Variants in GRK7 observed in about 807,000 individuals in gnomAD.
The protein encoded by GRK7 is rhodopsin kinase GRK7.
Under a neutral mutation model 34.1 loss-of-function variants are expected in GRK7, and 24 were observed. That is an observed-to-expected ratio of 0.70 (90% CI 0.51 to 0.99). The LOEUF (loss-of-function observed/expected upper bound fraction) is 0.99, where lower values mean the gene tolerates loss of function less well. Among genes scored for constraint, GRK7 ranks in the 50% least tolerant of loss-of-function variants. The probability of loss-of-function intolerance (pLI) is 0.00; values close to 1 mark genes in which losing one functional copy is unlikely to be tolerated. For synonymous variants in GRK7, 256 were observed against 279.4 expected (o/e 0.92, Z 0.84); for missense variants, 644 against 707.3 (o/e 0.91, Z 1.02).
chr3:141,756,377 A>G, the GRK7 span, among the ~76,000 whole-genome samples: 1 of 151,868 alleles, frequency 6.6e-6, no homozygotes, highest in Non-Finnish European at 1.5e-5. Context: ...CTGAATCTTT[A>G]TAATCTTTAG....
intron 3 of GRK7, among the ~76,000 whole-genome samples, chr3:141,779,932 G>T (rs913497723): frequency 1.3e-5 from 2 of 152,106 alleles, no homozygotes; most frequent in African/African-American, 4.8e-5. Flanking sequence ...ATGGACACTT[G>T]GGCTGTTTTC....
intron 5 of GRK7, among the ~76,000 whole-genome samples, chr3:141,815,446 T>C (rs1348272318): frequency 1.3e-5 from 2 of 152,122 alleles, no homozygotes; most frequent in Non-Finnish European, 2.9e-5. Flanking sequence ...AAAGAATCGT[T>C]TTGAATCTGA....
chr3:141,770,180 G>A (rs1417204486), intron 1 of GRK7, among the ~76,000 whole-genome samples: 8 of 152,190 alleles, frequency 5.3e-5, no homozygotes, highest in East Asian at 1.9e-4. Flanking sequence ...GAATTACAGC[G>A]TGGTTAAAGG....
At chr3:141,772,371 G>A (rs1383960104) in intron 1 of GRK7, among the ~76,000 whole-genome samples, 2 of 152,250 alleles carry the variant, frequency 1.3e-5, no homozygotes, top group Non-Finnish European at 2.9e-5. Flanking sequence ...GGGATTACAG[G>A]CGTGAGCCAC....
rs111477566 is a variant in GRK7, at chr3:141,807,632, T to C, written c.1051-13T>C. 1,425 of 1,611,596 alleles carry C rather than the reference T, an allele frequency of 8.8e-4. 13 individuals are homozygous for C. The African/African-American group carries it at 0.017, about 19-fold the overall frequency. On this transcript the variant is annotated splice_polypyrimidine_tract_variant and intron_variant, in intron 4 of 5. Coordinates refer to ENST00000682958, the MANE Select transcript of GRK7 (RefSeq NM_139209.3). ...GTTCTGTGTTGTCTTGTTTTTTGTT[T>C]GGGATGTTACAGGCTGGAACCAATG...
At chr3:141,762,229 A>G (rs1293084341), upstream of GRK7, among the ~76,000 whole-genome samples, 3 of 151,436 alleles carry the variant, frequency 2.0e-5, no homozygotes, top group Non-Finnish European at 1.5e-5. Context: ...GTTCTGTTTT[A>G]TCCCCATCTT....
intron 4 of GRK7, among the ~76,000 whole-genome samples, chr3:141,784,538 AAGTAAACC>A (rs1223553552): frequency 8.5e-5 from 13 of 152,282 alleles, no homozygotes; most frequent in Admixed American, 4.6e-4. Flanking sequence ...CTACACAGCT[AAGTAAACC>A]CCCTTAGTTT....
In GRK7 at chr3:141,790,201, C is replaced by T. The variant is rs540494813; in HGVS notation, c.1050+9390C>T. Reference sequence around the variant, plus strand: ...TACTTCTAGTAGAGACAGGGTTTCACCGAGTTAACCAGGGTGGTCTTGATC... The same window carrying T: ...TACTTCTAGTAGAGACAGGGTTTCATCGAGTTAACCAGGGTGGTCTTGATC... On this transcript the variant is annotated intron_variant, in intron 4 of 5. Coordinates refer to ENST00000682958, the MANE Select transcript of GRK7 (RefSeq NM_139209.3). Among the ~76,000 whole-genome samples, 499 of 152,304 alleles carry T rather than the reference C, an allele frequency of 3.3e-3. 4 individuals are homozygous for T. Among genetic ancestry groups the T allele is most frequent in the Non-Finnish European group, 5.4e-3 (370 of 68,022 alleles).
intron 4 of GRK7, among the ~76,000 whole-genome samples, chr3:141,795,697 T>G (rs186563713): frequency 6.6e-6 from 1 of 152,148 alleles, no homozygotes; most frequent in Admixed American, 6.5e-5. Flanking sequence ...CTCAGCATTT[T>G]GGGAGGCCAA....
chr3:141,813,635 G>A (rs1711118951), intron 5 of GRK7, among the ~76,000 whole-genome samples: 1 of 152,182 alleles, frequency 6.6e-6, no homozygotes, highest in Non-Finnish European at 1.5e-5. Flanking sequence ...CATACACAGT[G>A]GGAAAAGTCC....
intron 5 of GRK7, 137 bp downstream of exon 5, chr3:141,808,056 A>G: frequency 1.4e-6 from 1 of 718,482 alleles, no homozygotes; most frequent in South Asian, 3.0e-5. Flanking sequence ...TTATATGGTT[A>G]AACATTTCTA....
At chr3:141,777,732 C>T (rs2084647396) in intron 2 of GRK7, among the ~76,000 whole-genome samples, 1 of 151,872 alleles carries the variant, frequency 6.6e-6, no homozygotes, top group South Asian at 2.1e-4. Flanking sequence ...TCTCGGGACT[C>T]AAAGCTCACA....
At position 141,763,579 on chromosome 3, in the gene GRK7, G is replaced by A. The variant is rs114535347; in HGVS notation, c.-2374G>A. ...AGCCCAGTGGAAGCTGCAGGATCCC[G>A]GATCCAGATCCAGTGTGCGTGGCAA... On this transcript the variant is annotated 5_prime_UTR_variant, in exon 1 of 6. Transcript: ENST00000682958. Among the ~76,000 whole-genome samples, 7,158 of 152,098 alleles carry A rather than the reference G, an allele frequency of 0.047. 149 individuals carry two copies. Among genetic ancestry groups the A allele is most frequent in the South Asian group, 0.083 (401 of 4,820 alleles).
At chr3:141,779,029 G>A (rs1422691821) in intron 3 of GRK7, 133 bp downstream of exon 3, 20 of 868,968 alleles carry the variant, frequency 2.3e-5, no homozygotes, top group Non-Finnish European at 3.3e-5. Flanking sequence ...TTCTAGCCCC[G>A]TCTCCCCAGC....
Position 141,764,856 on chromosome 3 carries a change from T to A in GRK7, c.-1097T>A, listed in dbSNP as rs1201629661. On this transcript the variant is annotated 5_prime_UTR_variant, in exon 1 of 6. Coordinates refer to ENST00000682958, the MANE Select transcript of GRK7 (RefSeq NM_139209.3). ...TCCCACCCTGTTTACCAGAAATTCA[T>A]CCTTCCAGTTACTCAGGCCCAAAAC... 6.6e-6 allele frequency among the ~76,000 whole-genome samples: 1 copy of A among 152,146 alleles called. No individual in the cohort carries two copies. Among genetic ancestry groups the A allele is most frequent in the East Asian group, 1.9e-4 (1 of 5,196 alleles).
chr3:141,807,402 G>A (rs1711046585), intron 4 of GRK7, among the ~76,000 whole-genome samples: 1 of 152,138 alleles, frequency 6.6e-6, no homozygotes, highest in African/African-American at 2.4e-5. Context: ...TGTGACCTTA[G>A]CCACCAACTC....
chr3:141,788,323 G>C (rs2084706486), intron 4 of GRK7, among the ~76,000 whole-genome samples: 1 of 152,134 alleles, frequency 6.6e-6, no homozygotes, highest in Non-Finnish European at 1.5e-5. Flanking sequence ...AAATGAAAGA[G>C]AAAGAGACTA....
chr3:141,808,016 T>C, intron 5 of GRK7, 97 bp downstream of exon 5: 1 of 1,112,480 alleles, frequency 9.0e-7, no homozygotes, highest in East Asian at 2.5e-5. Flanking sequence ...TGGAATTAAG[T>C]ATTATGATTT....
At chr3:141,758,568 T>C (rs2084540924), upstream of GRK7, among the ~76,000 whole-genome samples, 1 of 10,130 alleles carries the variant, frequency 9.9e-5, no homozygotes, top group African/African-American at 4.1e-4. Flanking sequence ...CCTTGTAGTA[T>C]AGTTTGAAGT....
Sources: allele counts gnomAD v4.1 joint callset (sites outside exome capture counted in the v4.1 genomes callset), GRCh38; gene constraint gnomAD v4.1.1; transcripts MANE v1.5; gene names NCBI Gene and HGNC (gene_info 2026-07-23, HGNC 2026-07-21).